HSPE1: variants seen among roughly 807,000 people sequenced by gnomAD.
The protein encoded by HSPE1 is heat shock protein family E (Hsp10) member 1, also known as 10 kDa heat shock protein, mitochondrial.
Under a neutral mutation model 13.2 loss-of-function variants are expected in HSPE1, and 1 was observed. The observed-to-expected ratio is 0.08, with a 90% CI of 0.03 to 0.36. HSPE1 has a LOEUF of 0.36. Among genes scored for constraint, HSPE1 ranks in the 10% least tolerant of loss-of-function variants. The pLI, the probability that HSPE1 is intolerant of heterozygous loss-of-function variation, is 0.99. For synonymous variants in HSPE1, 44 were observed against 42.0 expected, an observed-to-expected ratio of 1.05 and a Z score of -0.19; for missense variants, 73 against 118.7, an observed-to-expected ratio of 0.62 and a Z score of 1.79.
chr2:197,500,683 C>T (rs2086240524), intron 1 of HSPE1: 2 of 619,740 alleles, frequency 3.2e-6, no homozygotes, highest in South Asian at 3.9e-5. Flanking sequence ...CGCGCAGCGT[C>T]TCACCTGCTT....
chr2:197,503,180 T>C, intron 3 of HSPE1, 29 bp from the exon 4 acceptor site: 1 of 1,577,248 alleles, frequency 6.3e-7, no homozygotes. Flanking sequence ...CAATTAGTTG[T>C]CTTAACTAAT....
chr2:197,502,143 A>T (rs2086264301), intron 2 of HSPE1, among the ~76,000 whole-genome samples: 1 of 152,218 alleles, frequency 6.6e-6, no homozygotes, highest in Non-Finnish European at 1.5e-5. Flanking sequence ...TACCTACCAG[A>T]GGAACAGGTT....
chr2:197,500,464 C>T (rs888315770), intron 1 of HSPE1, 25 bp downstream of exon 1: 39 of 1,581,232 alleles, frequency 2.5e-5, no homozygotes, highest in Non-Finnish European at 3.4e-5. Flanking sequence ...GCCCCGAGGC[C>T]TGCAGGCCCG....
At chr2:197,500,760 C>T in intron 1 of HSPE1, 1 of 574,628 alleles carries the variant, frequency 1.7e-6, no homozygotes, top group Non-Finnish European at 3.1e-6. Context: ...GGAGCTTGAC[C>T]CAGCGTTTCC....
chr2:197,502,598 A>G (rs536238301), intron 2 of HSPE1, among the ~76,000 whole-genome samples: 2 of 152,358 alleles, frequency 1.3e-5, no homozygotes, highest in South Asian at 4.1e-4. Context: ...TCACAAGAGT[A>G]TGTTCTAAAT....
intron 2 of HSPE1, 114 bp downstream of exon 2, chr2:197,501,352 C>G: frequency 1.7e-6 from 2 of 1,210,974 alleles, no homozygotes; most frequent in East Asian, 2.6e-5. Context: ...TTTTCAAGAT[C>G]ATTAACTGCT....
At position 197,503,362 on chromosome 2, in the gene HSPE1, AAACTAATGAT is replaced by A; in HGVS notation, c.*113_*122del. ...AATTTCCATATTTCTCTTTTATAAT[AAACTAATGAT>A]AACTAATGACATCCAGTGTCTCCAA... On this transcript the variant is annotated 3_prime_UTR_variant, in exon 4 of 4. Coordinates refer to ENST00000233893, the MANE Select transcript of HSPE1 (RefSeq NM_002157.3). The A allele has an allele frequency of 1.3e-6, 1 of 759,502 alleles. No homozygotes were observed. Among genetic ancestry groups the A allele is most frequent in the Admixed American group, 2.4e-5 (1 of 42,424 alleles). 47.0% of individuals were successfully genotyped at this position (759,502 alleles called of 1,614,324 possible).
intron 1 of HSPE1, 59 bp from the exon 2 acceptor site, chr2:197,501,015 T>G: frequency 6.3e-7 from 1 of 1,586,306 alleles, no homozygotes; most frequent in Non-Finnish European, 8.6e-7. Context: ...ACGGTGGCGT[T>G]GCCTGTTGAT....
At chr2:197,501,923 C>T (rs1187953127) in intron 2 of HSPE1, among the ~76,000 whole-genome samples, 1 of 152,136 alleles carries the variant, frequency 6.6e-6, no homozygotes, top group African/African-American at 2.4e-5. Flanking sequence ...GCAGGAGGAT[C>T]GTTTGAGCTC....
intron 2 of HSPE1, 43 bp downstream of exon 2, chr2:197,501,281 T>G: frequency 1.9e-6 from 3 of 1,546,484 alleles, no homozygotes; most frequent in Non-Finnish European, 1.7e-6. Flanking sequence ...TAGTGTGCAG[T>G]GGAGGGAAAA....
In HSPE1 at chr2:197,500,454, G is replaced by T. The variant is rs2086235789; in HGVS notation, c.3+15G>T. 1.3e-6 allele frequency: 2 copies of T among 1,570,754 alleles called. No individual in the cohort carries two copies. Among genetic ancestry groups the T allele is most frequent in the Middle Eastern group, 3.4e-4 (2 of 5,872 alleles). The stretch of plus-strand genomic sequence containing the variant: ...AGGGAGTAATGGTGAGTCCCGCGTG[G>T]CCCCGAGGCCTGCAGGCCCGGGCCT... On this transcript the variant is annotated intron_variant, in intron 1 of 3. Coordinates refer to ENST00000233893, the MANE Select transcript of HSPE1 (RefSeq NM_002157.3).
At position 197,503,430 on chromosome 2, in the gene HSPE1, A is replaced by T; in HGVS notation, c.*171A>T. The T allele has an allele frequency of 2.2e-6, 1 of 452,036 alleles. No individual in the cohort carries two copies. Among genetic ancestry groups the T allele is most frequent in the Non-Finnish European group, 3.9e-6 (1 of 255,722 alleles). The allele number at this position is 452,036 out of a possible 1,614,324, so 28.0% of individuals were successfully genotyped here. On this transcript the variant is annotated 3_prime_UTR_variant, in exon 4 of 4. Transcript: ENST00000233893. ...TCCTTGTACTGATATAAACACTTCC[A>T]AATAAAAATATGTAAATGAGTGGTT...
At chr2:197,501,034 T>G in intron 1 of HSPE1, 40 bp from the exon 2 acceptor site, 1 of 1,604,280 alleles carries the variant, frequency 6.2e-7, no homozygotes, top group Non-Finnish European at 8.5e-7. Context: ...ATAATGTGAT[T>G]ACATTTAGTT....
At chr2:197,500,493 G>C in intron 1 of HSPE1, 54 bp downstream of exon 1, 1 of 1,568,798 alleles carries the variant, frequency 6.4e-7, no homozygotes, top group Middle Eastern at 1.7e-4. Context: ...TGAGGCGTAC[G>C]GGGATCCCTG....
intron 1 of HSPE1, 122 bp from the exon 2 acceptor site, chr2:197,500,952 A>C: frequency 8.8e-7 from 1 of 1,136,774 alleles, no homozygotes; most frequent in Non-Finnish European, 1.3e-6. Context: ...CTTAACGAAT[A>C]AGCTGAGGTT....
chr2:197,500,927 A>G, intron 1 of HSPE1, 147 bp from the exon 2 acceptor site: 1 of 942,954 alleles, frequency 1.1e-6, no homozygotes, highest in East Asian at 2.6e-5. Context: ...TGGTTAGTAC[A>G]TTCAAATGCG....
chr2:197,503,170 C>T, intron 3 of HSPE1, 39 bp from the exon 4 acceptor site: 1 of 1,576,768 alleles, frequency 6.3e-7, no homozygotes, highest in Non-Finnish European at 8.7e-7. Flanking sequence ...CAGATATTTG[C>T]AATTAGTTGT....
In HSPE1 at chr2:197,501,139, T is replaced by C. The variant is rs770044838; in HGVS notation, c.69T>C (p.Ala23=). Residue 23 remains alanine, a synonymous_variant, in exon 2 of 4, where the codon GCT becomes GCC. Coordinates refer to ENST00000233893, the MANE Select transcript of HSPE1 (RefSeq NM_002157.3). ...GAGTATTGGTTGAAAGGAGTGCTGC[T>C]GAAACTGTAACCAAAGGAGGCATTA... The part of the protein sequence containing the change: ...FDRVLVERSA[A]ETVTKGGIML... The C allele has an allele frequency of 8.7e-6, 14 of 1,614,034 alleles. No homozygotes were observed. The highest frequency in any genetic ancestry group is 5.0e-5 in the Admixed American group (3 of 60,006).
In HSPE1 at chr2:197,503,198, T is replaced by C. The variant is rs369163255; in HGVS notation, c.259-11T>C. 1.1e-5 allele frequency: 17 copies of C among 1,606,024 alleles called. No homozygotes were observed. Among genetic ancestry groups the C allele is most frequent in the Non-Finnish European group, 1.4e-5 (17 of 1,173,244 alleles). ...TTAGTTGTCTTAACTAATGGTTTTT[T>C]TCACTTGCAGGATTATTTCCTATTT... On this transcript the variant is annotated splice_polypyrimidine_tract_variant and intron_variant, in intron 3 of 3. Coordinates refer to ENST00000233893, the MANE Select transcript of HSPE1 (RefSeq NM_002157.3).
Sources: gnomAD v4.1 joint callset for allele counts (sites outside exome capture counted in the v4.1 genomes callset) on GRCh38, gnomAD v4.1.1 for gene constraint, MANE v1.5 for transcripts, NCBI Gene and HGNC (gene_info 2026-07-23, HGNC 2026-07-21) for gene names.